Variants in RAI14 observed in about 807,000 individuals in gnomAD.
RAI14 encodes the protein retinoic acid induced 14, also known as ankycorbin.
A neutral mutation model predicts 115.4 loss-of-function variants in RAI14; 45 were observed. The ratio of observed to expected loss-of-function variants is 0.39; its 90% CI spans 0.31 to 0.50. The LOEUF is 0.50. Ranked by LOEUF, RAI14 falls within the 20% of genes least tolerant of loss-of-function variation. RAI14 has a pLI of 0.85. For missense variants in RAI14, 939 were observed against 1,131.2 expected (o/e 0.83, Z 2.44); for synonymous variants, 371 against 415.4 (o/e 0.89, Z 1.30).
At chr5:34,704,802 C>T (rs982856320) in intron 2 of RAI14, among the ~76,000 whole-genome samples, 2 of 152,032 alleles carry the variant, frequency 1.3e-5, no homozygotes, top group African/African-American at 2.4e-5. Flanking sequence ...GTTTTCTTGC[C>T]ACACTTACAT....
At chr5:34,704,449 G>A (rs1445724131) in intron 2 of RAI14, among the ~76,000 whole-genome samples, 1 of 152,164 alleles carries the variant, frequency 6.6e-6, no homozygotes, top group Non-Finnish European at 1.5e-5. Flanking sequence ...TTATCACTAA[G>A]AGTTAGTTTG....
intron 2 of RAI14, chr5:34,757,201 C>G (rs967380494): frequency 2.0e-5 from 10 of 500,974 alleles, no homozygotes; most frequent in Admixed American, 1.2e-4. Context: ...GCTTCATATT[C>G]CTAGTGTTAG....
chr5:34,738,399 G>T (rs1195351094), intron 2 of RAI14, among the ~76,000 whole-genome samples: 1 of 152,198 alleles, frequency 6.6e-6, no homozygotes, highest in Non-Finnish European at 1.5e-5. Flanking sequence ...AGGAATATGT[G>T]CATTGGAGGT....
chr5:34,701,122 A>T (rs912987449), intron 2 of RAI14, among the ~76,000 whole-genome samples: 1 of 152,104 alleles, frequency 6.6e-6, no homozygotes, highest in Non-Finnish European at 1.5e-5. Flanking sequence ...ACAAATTCCT[A>T]TGTAGGGGGT....
At chr5:34,687,945 A>G in intron 2 of RAI14, 1 of 972,490 alleles carries the variant, frequency 1.0e-6, no homozygotes. Flanking sequence ...CATGTAACTT[A>G]CTGCCCTGAT....
intron 2 of RAI14, among the ~76,000 whole-genome samples, chr5:34,738,089 A>G (rs1745084643): frequency 6.6e-6 from 1 of 152,110 alleles, no homozygotes; most frequent in Non-Finnish European, 1.5e-5. Context: ...GAATTGAGGA[A>G]TGAGATGGGG....
chr5:34,664,129 C>T (rs997202943), intron 1 of RAI14, among the ~76,000 whole-genome samples: 1 of 152,054 alleles, frequency 6.6e-6, no homozygotes, highest in African/African-American at 2.4e-5. Context: ...AAGAAGCTTA[C>T]TGTACAGTGG....
At chr5:34,676,874 T>C (rs1317677860) in intron 1 of RAI14, among the ~76,000 whole-genome samples, 1 of 152,230 alleles carries the variant, frequency 6.6e-6, no homozygotes, top group African/African-American at 2.4e-5. Flanking sequence ...GAAAAAAATC[T>C]GAGATTTTAA....
intron 2 of RAI14, among the ~76,000 whole-genome samples, chr5:34,754,891 G>A (rs73763464): frequency 0.2 from 30,534 of 152,016 alleles, 3,294 homozygotes; most frequent in African/African-American, 0.24. Flanking sequence ...CCTTAGCAAC[G>A]TTGAAAAGGA....
chr5:34,720,392 C>T (rs546273218), intron 2 of RAI14, among the ~76,000 whole-genome samples: 1 of 149,374 alleles, frequency 6.7e-6, no homozygotes, highest in Non-Finnish European at 1.5e-5. Flanking sequence ...TTCTATGACC[C>T]TGTCTCAGAT....
chr5:34,718,682 G>T (rs1742290467), intron 2 of RAI14, among the ~76,000 whole-genome samples: 1 of 152,222 alleles, frequency 6.6e-6, no homozygotes, highest in Non-Finnish European at 1.5e-5. Context: ...GCAGAGAGGG[G>T]ATCAAATTTC....
chr5:34,815,649 G>A (rs1158476101), intron 12 of RAI14, among the ~76,000 whole-genome samples: 2 of 152,116 alleles, frequency 1.3e-5, no homozygotes, highest in African/African-American at 2.4e-5. Flanking sequence ...TTGGGGGAGT[G>A]GTGGGAGGTA....
chr5:34,738,461 CA>C (rs1367418483), intron 2 of RAI14, among the ~76,000 whole-genome samples: 1 of 152,172 alleles, frequency 6.6e-6, no homozygotes, highest in Non-Finnish European at 1.5e-5. Context: ...TTCATGGGAG[CA>C]GTGCCCTTTT....
At chr5:34,788,875 A>T (rs1752615416) in intron 3 of RAI14, among the ~76,000 whole-genome samples, 2 of 152,208 alleles carry the variant, frequency 1.3e-5, no homozygotes, top group East Asian at 3.9e-4. Context: ...AGGCTGAGGC[A>T]CGAGAATCGC....
chr5:34,774,552 A>G (rs1750600835), intron 3 of RAI14, among the ~76,000 whole-genome samples: 1 of 152,158 alleles, frequency 6.6e-6, no homozygotes, highest in Non-Finnish European at 1.5e-5. Context: ...AATAAAGTTA[A>G]CCAAAGAAAT....
intron 2 of RAI14, among the ~76,000 whole-genome samples, chr5:34,703,990 G>A (rs1740382214): frequency 6.6e-6 from 1 of 152,172 alleles, no homozygotes; most frequent in African/African-American, 2.4e-5. Context: ...GCATACTTGA[G>A]GAATTGTTAG....
intron 2 of RAI14, chr5:34,687,733 C>T: frequency 6.4e-7 from 1 of 1,551,218 alleles, no homozygotes; most frequent in South Asian, 1.2e-5. Context: ...GTATGTCACT[C>T]TCAAAATGGG....
At chr5:34,809,336 G>C (rs1755311619) in intron 7 of RAI14, among the ~76,000 whole-genome samples, 1 of 152,138 alleles carries the variant, frequency 6.6e-6, no homozygotes, top group South Asian at 2.1e-4. Context: ...TTTACAAAAT[G>C]TAGTAATTCT....
At chr5:34,798,858 C>G (rs557951633) in intron 4 of RAI14, among the ~76,000 whole-genome samples, 3 of 152,332 alleles carry the variant, frequency 2.0e-5, no homozygotes, top group Admixed American at 2.0e-4. Flanking sequence ...ATCCACAGCA[C>G]TTTGGGGCCA....
Sources: allele counts gnomAD v4.1 joint callset (sites outside exome capture counted in the v4.1 genomes callset), GRCh38; gene constraint gnomAD v4.1.1; transcripts MANE v1.5; gene names NCBI Gene and HGNC (gene_info 2026-07-23, HGNC 2026-07-21).